The following EGR2 variants were observed in gnomAD, a reference collection of about 807,000 sequenced individuals.
EGR2 encodes the protein early growth response 2, also known as E3 SUMO-protein ligase EGR2.
Under a neutral mutation model 21.2 loss-of-function variants are expected in EGR2, and 2 were observed. The ratio of observed to expected loss-of-function variants is 0.09; its 90% CI spans 0.04 to 0.30. The LOEUF is 0.30. EGR2 is among the 10% of genes least tolerant of loss of function. EGR2 has a pLI of 1.00. For synonymous variants in EGR2, 282 were observed against 258.2 expected, an observed-to-expected ratio of 1.09 and a Z score of -0.88; for missense variants, 458 against 630.2, an observed-to-expected ratio of 0.73 and a Z score of 2.93.
chr10:62,813,064 G>C lies in EGR2; in HGVS notation c.*143C>G. The C allele has an allele frequency of 1.1e-6, 1 of 885,990 alleles. No individual in the cohort carries two copies. The highest frequency in any genetic ancestry group is 1.7e-6 in the Non-Finnish European group (1 of 595,582). The allele number at this position is 885,990 out of a possible 1,614,324, so 54.9% of individuals were successfully genotyped here. On this transcript the variant is annotated 3_prime_UTR_variant, in exon 2 of 2. Transcript: ENST00000242480. This position sits in a 1 kb window ranked among gnomAD's most constrained non-coding sequence, Gnocchi z 5.7. ...GAAGAACCTGCTTCTAGGTGGAAAG[G>C]GGGCAGTGCTAGCTCCACCAAAGCC...
rs2132707320 is a variant in EGR2, at chr10:62,814,395, G to C, written c.243C>G (p.Pro81=). The change falls in exon 2 of 2, where the codon CCC becomes CCG. Residue 81 remains proline (P), a synonymous_variant. Transcript: ENST00000242480. The surrounding 1 kb of genome is among the most constrained non-coding windows in gnomAD (Gnocchi z 4.8). The stretch of plus-strand genomic sequence containing the variant: ...AGGTCTGGTTTCTAGGTGCAGAGAC[G>C]GGAGCAAAGCTGCTGGGATATGGGA... ...LDLPYPSSFA[P]VSAPRNQTFT... The C allele has an allele frequency of 1.2e-6, 2 of 1,614,152 alleles. No individual in the cohort carries two copies. Among genetic ancestry groups the C allele is most frequent in the South Asian group, 1.1e-5 (1 of 91,082 alleles).
upstream of EGR2, among the ~76,000 whole-genome samples, chr10:62,816,760 C>T (rs763555104): frequency 8.5e-5 from 13 of 152,138 alleles, no homozygotes; most frequent in Non-Finnish European, 1.3e-4. Context: ...CCGGCGGCTC[C>T]GCCTCCCTAG....
chr10:62,815,461 C>G (rs1842240363), intron 1 of EGR2, among the ~76,000 whole-genome samples: 1 of 152,246 alleles, frequency 6.6e-6, no homozygotes, highest in African/African-American at 2.4e-5. Flanking sequence ...CGCCGCTCGG[C>G]TCTCCAGGCG....
chr10:62,816,987 C>A (rs1842286222), upstream of EGR2, among the ~76,000 whole-genome samples: 2 of 152,090 alleles, frequency 1.3e-5, no homozygotes, highest in African/African-American at 2.4e-5. Context: ...AGAGTGAATG[C>A]GTATTGCTTT....
upstream of EGR2, among the ~76,000 whole-genome samples, chr10:62,816,700 G>T (rs1842279746): frequency 6.6e-6 from 1 of 152,198 alleles, no homozygotes; most frequent in South Asian, 2.1e-4. Flanking sequence ...CCCGGGGCGG[G>T]GAGGAATTCC....
chr10:62,814,510 T>A lies in EGR2; in HGVS notation c.170-42A>T. On this transcript the variant is annotated intron_variant, in intron 1 of 1. Transcript: ENST00000242480. The surrounding 1 kb of genome is among the most constrained non-coding windows in gnomAD (Gnocchi z 4.8). The stretch of plus-strand genomic sequence containing the variant: ...CAGAATGGAGGTGGAACAATGAAAA[T>A]ACAGCCAGGACTCCCTTCTCACCCC... 1 of 1,589,478 alleles carries A rather than the reference T, an allele frequency of 6.3e-7. No homozygotes were observed. Among genetic ancestry groups the A allele is most frequent in the Admixed American group, 1.7e-5 (1 of 59,974 alleles).
Position 62,812,488 on chromosome 10 carries a change from T to A in EGR2, c.*719A>T, listed in dbSNP as rs1191839376. The stretch of plus-strand genomic sequence containing the variant: ...TTCAGAATTTAGAGAACAGTGTACA[T>A]CAAAAATACACAAAATCTGAGTGGA... On this transcript the variant is annotated 3_prime_UTR_variant, in exon 2 of 2. Transcript: ENST00000242480. The A allele has an allele frequency of 6.5e-6, 1 of 152,754 alleles. No homozygotes were observed. The highest frequency in any genetic ancestry group is 1.9e-4 in the East Asian group (1 of 5,336). 9.5% of individuals were successfully genotyped at this position (152,754 alleles called of 1,614,324 possible). A position where few individuals can be genotyped will look rare whatever the true frequency, so the allele number is the denominator to read the frequency against.
In EGR2 at chr10:62,813,414, G is replaced by A. The variant is rs1322033315; in HGVS notation, c.1224C>T (p.Ala408=). 6.2e-7 allele frequency: 1 copy of A among 1,613,752 alleles called. No homozygotes were observed. Among genetic ancestry groups the A allele is most frequent in the Admixed American group, 1.7e-5 (1 of 60,026 alleles). ...TGTGGCGCTTCCTCTCATCACTCCGGGCAAACTTTCGGCCACAGTAGTCAC... is the reference window on the plus strand; with the variant it reads ...TGTGGCGCTTCCTCTCATCACTCCGAGCAAACTTTCGGCCACAGTAGTCAC... ...FACDYCGRKF[A]RSDERKRHTK... is the part of the protein sequence containing the mutation. The change falls in exon 2 of 2, where the codon GCC becomes GCT. Residue 408 remains alanine (A), a synonymous_variant. Transcript: ENST00000242480. This position sits in a 1 kb window ranked among gnomAD's most constrained non-coding sequence, Gnocchi z 5.7.
chr10:62,814,551 A>G lies in EGR2; in HGVS notation c.170-83T>C, dbSNP rs1842214447. 2.2e-6 allele frequency: 3 copies of G among 1,348,408 alleles called. No homozygotes were observed. In the South Asian group the frequency reaches 3.6e-5, roughly 16 times the overall value. 83.5% of individuals were successfully genotyped at this position (1,348,408 alleles called of 1,614,324 possible). On this transcript the variant is annotated intron_variant, in intron 1 of 1. Coordinates refer to ENST00000242480, the MANE Select transcript of EGR2 (RefSeq NM_000399.5). This position sits in a 1 kb window ranked among gnomAD's most constrained non-coding sequence, Gnocchi z 4.8. Reference sequence around the variant, plus strand: ...TTCTCACCCCCGCTCACATAGGTCCATTTCCAAGGCCGAGAGTCTCAGCAC... The same window carrying G: ...TTCTCACCCCCGCTCACATAGGTCCGTTTCCAAGGCCGAGAGTCTCAGCAC...
At chr10:62,817,071 T>G (rs760874282), upstream of EGR2, among the ~76,000 whole-genome samples, 3 of 152,170 alleles carry the variant, frequency 2.0e-5, no homozygotes, top group Non-Finnish European at 4.4e-5. The surrounding 1 kb of genome is among the most constrained non-coding windows in gnomAD (Gnocchi z 4.4). Flanking sequence ...TTAAGTATTT[T>G]GGGCACCTTG....
rs771108987 is a variant in EGR2, at chr10:62,813,636, C to G, written c.1002G>C (p.Pro334=). The G allele has an allele frequency of 6.2e-7, 1 of 1,613,088 alleles. No individual in the cohort carries two copies. The highest frequency in any genetic ancestry group is 8.5e-7 in the Non-Finnish European group (1 of 1,180,034). ...GGCACGGGTAGGGCCTCTCGTGCAC[C>G]GGCGTCTTGCTGGGTCTGTTGGGGT... ...RKYPNRPSKT[P]VHERPYPCPA... The change falls in exon 2 of 2, where the codon CCG becomes CCC. Residue 334 remains proline, a synonymous_variant. Transcript: ENST00000242480. The surrounding 1 kb of genome is among the most constrained non-coding windows in gnomAD (Gnocchi z 5.7).
Position 62,812,634 on chromosome 10 carries a change from G to C in EGR2, c.*573C>G, listed in dbSNP as rs1244398158. On this transcript the variant is annotated 3_prime_UTR_variant, in exon 2 of 2. Coordinates refer to ENST00000242480, the MANE Select transcript of EGR2 (RefSeq NM_000399.5). The stretch of plus-strand genomic sequence containing the variant: ...GTTTATAATACATATTGCTTCAAGG[G>C]TTGAGACAACTAGATATGCTCTGAT... 6.5e-6 allele frequency: 1 copy of C among 152,810 alleles called. No homozygotes were observed. Among genetic ancestry groups the C allele is most frequent in the African/African-American group, 2.4e-5 (1 of 41,416 alleles). The allele number at this position is 152,810 out of a possible 1,614,324, so 9.5% of individuals were successfully genotyped here.
rs746688326 is a variant in EGR2 at position 62,813,726 on chromosome 10, G to GGCTGCT, written c.906_911dup (p.Ala308_Ala309dup). ...GTGGGTTATAGGCGGCGGCGGCGGCGGCTGCTGCTGCTGCTGAGCTGCTAC... is the reference window on the plus strand; with the variant it reads ...GTGGGTTATAGGCGGCGGCGGCGGCGGCTGCTGCTGCTGCTGCTGCTGAGCTGCTAC... On this transcript the variant is annotated inframe_insertion, in exon 2 of 2. Transcript: ENST00000242480. This position sits in a 1 kb window ranked among gnomAD's most constrained non-coding sequence, Gnocchi z 5.7. 10 of 1,610,048 alleles carry GGCTGCT rather than the reference G, an allele frequency of 6.2e-6. 1 individual carries two copies. In the Middle Eastern group the frequency reaches 5.0e-4, roughly 80 times the overall value.
At chr10:62,816,571 C>A (rs190638396), upstream of EGR2, among the ~76,000 whole-genome samples, 1 of 152,258 alleles carries the variant, frequency 6.6e-6, no homozygotes, top group Non-Finnish European at 1.5e-5. Flanking sequence ...GGGTCCCGGG[C>A]GCGCGGCCCT....
chr10:62,813,861 G>A lies in EGR2; in HGVS notation c.777C>T (p.Pro259=), dbSNP rs750955966. 2 of 1,614,178 alleles carry A rather than the reference G, an allele frequency of 1.2e-6. No individual in the cohort carries two copies. The highest frequency in any genetic ancestry group is 1.7e-6 in the Non-Finnish European group (2 of 1,180,040). The change falls in exon 2 of 2, where the codon CCC becomes CCT. Residue 259 remains proline (P), a synonymous_variant. Coordinates refer to ENST00000242480, the MANE Select transcript of EGR2 (RefSeq NM_000399.5). This position sits in a 1 kb window ranked among gnomAD's most constrained non-coding sequence, Gnocchi z 5.7. ...TTGTAGAGAGTGGAGTGAGTGGAGG[G>A]GGCACCCGCAGGGTGTCCAGTGGGC... The part of the protein sequence containing the change: ...FPCPLDTLRV[P]PPLTPLSTIR...
At position 62,814,195 on chromosome 10, in the gene EGR2, G is replaced by C; in HGVS notation, c.443C>G (p.Pro148Arg). ...CTGGGACATGGTGCACACACCCAGG[G>C]GTCCTGTGGCCAGTGGGTTGGGGGA... ...SASPNPLATG[P>R]LGVCTMSQTQ... Residue 148 changes from proline (P) to arginine (R), a missense_variant, in exon 2 of 2, where the codon CCC becomes CGC. By Grantham distance (103) the Pro-to-Arg change is moderately radical. Transcript: ENST00000242480. This position sits in a 1 kb window ranked among gnomAD's most constrained non-coding sequence, Gnocchi z 4.8. 6.2e-7 allele frequency: 1 copy of C among 1,614,172 alleles called. No individual in the cohort carries two copies. The highest frequency in any genetic ancestry group is 1.1e-5 in the South Asian group (1 of 91,086).
In EGR2 at chr10:62,814,508, A is replaced by G; in HGVS notation, c.170-40T>C. On this transcript the variant is annotated intron_variant, in intron 1 of 1. Transcript: ENST00000242480. This position sits in a 1 kb window ranked among gnomAD's most constrained non-coding sequence, Gnocchi z 4.8. ...GGCAGAATGGAGGTGGAACAATGAA[A>G]ATACAGCCAGGACTCCCTTCTCACC... 6.3e-7 allele frequency: 1 copy of G among 1,595,972 alleles called. No homozygotes were observed. The highest frequency in any genetic ancestry group is 8.6e-7 in the Non-Finnish European group (1 of 1,164,092).
chr10:62,815,503 C>T (rs1414191693), intron 1 of EGR2, among the ~76,000 whole-genome samples: 3 of 152,212 alleles, frequency 2.0e-5, no homozygotes, highest in Non-Finnish European at 2.9e-5. Flanking sequence ...CGAACTTTAC[C>T]GTCACTTTGC....
rs144217451 is a variant in EGR2, at chr10:62,814,392, G to A, written c.246C>T (p.Val82=). 1.2e-6 allele frequency: 2 copies of A among 1,614,186 alleles called. No homozygotes were observed. Among genetic ancestry groups the A allele is most frequent in the Non-Finnish European group, 1.7e-6 (2 of 1,180,024 alleles). ...TGAAGGTCTGGTTTCTAGGTGCAGA[G>A]ACGGGAGCAAAGCTGCTGGGATATG... is the stretch of plus-strand genomic sequence containing the variant. ...DLPYPSSFAP[V]SAPRNQTFTY... Residue 82 remains valine (V), a synonymous_variant, in exon 2 of 2, where the codon GTC becomes GTT. Transcript: ENST00000242480. This position sits in a 1 kb window ranked among gnomAD's most constrained non-coding sequence, Gnocchi z 4.8.
Sources: gnomAD v4.1 joint callset for allele counts (sites outside exome capture counted in the v4.1 genomes callset) on GRCh38, gnomAD v4.1.1 for gene constraint, Gnocchi (gnomAD v3.1) non-coding constraint, MANE v1.5 for transcripts, NCBI Gene and HGNC (gene_info 2026-07-23, HGNC 2026-07-21) for gene names.